PCDHGB3: variants seen among roughly 807,000 people sequenced by gnomAD.
PCDHGB3 encodes the protein protocadherin gamma subfamily B, 3.
Under a neutral mutation model 59.2 loss-of-function variants are expected in PCDHGB3, and 40 were observed. The observed-to-expected ratio is 0.68, with a 90% CI of 0.52 to 0.88. The LOEUF is 0.88. PCDHGB3 is among the 40% of genes least tolerant of loss of function. The probability of loss-of-function intolerance (pLI) is 0.00; values close to 1 mark genes in which losing one functional copy is unlikely to be tolerated. For missense variants in PCDHGB3, 1,309 were observed against 1,187.9 expected (o/e 1.10, Z -1.50); for synonymous variants, 581 against 503.6 (o/e 1.15, Z -2.06).
chr5:141,456,748 A>C (rs1448893002), intron 1 of PCDHGB3, among the ~76,000 whole-genome samples: 1 of 151,852 alleles, frequency 6.6e-6, no homozygotes, highest in Non-Finnish European at 1.5e-5. Context: ...GAGCATCATG[A>C]GGTCAGGAGT....
chr5:141,389,541 C>A, intron 1 of PCDHGB3: 2 of 1,613,242 alleles, frequency 1.2e-6, no homozygotes, highest in Non-Finnish European at 1.7e-6. Context: ...AGTGGACGAC[C>A]GCAACGACAA....
intron 1 of PCDHGB3, chr5:141,402,915 CAG>C: frequency 6.4e-7 from 1 of 1,564,688 alleles, no homozygotes; most frequent in Non-Finnish European, 8.7e-7. Flanking sequence ...GCAGCGCGCA[CAG>C]AGATCCTTTT....
chr5:141,441,885 CA>C, intron 1 of PCDHGB3: 1 of 345,036 alleles, frequency 2.9e-6, no homozygotes. Context: ...ACCTGGTCAC[CA>C]AGGTGGTGGC....
intron 1 of PCDHGB3, chr5:141,409,931 A>G: frequency 1.2e-6 from 2 of 1,613,260 alleles, no homozygotes; most frequent in Non-Finnish European, 1.7e-6. Flanking sequence ...GTTCTTCGAT[A>G]TGGTACCTCG....
chr5:141,511,233 TACCTGC>T lies in PCDHGB3; in HGVS notation c.*64_*69del. 4 of 1,595,428 alleles carry T rather than the reference TACCTGC, an allele frequency of 2.5e-6. No individual in the cohort carries two copies. The highest frequency in any genetic ancestry group is 3.4e-6 in the Non-Finnish European group (4 of 1,170,894). ...CTCCCCAACCAGCCCAGCTTCTCCT[TACCTGC>T]ACCCAGGCCTCAGAGTTTCAGGGCT... On this transcript the variant is annotated 3_prime_UTR_variant, in exon 4 of 4. Transcript: ENST00000576222.
chr5:141,386,789 A>G lies in PCDHGB3; in HGVS notation c.2415+13980A>G, dbSNP rs144966256. Among the ~76,000 whole-genome samples the G allele has an allele frequency of 8.8e-3, 1,344 of 152,342 alleles. 18 individuals carry two copies. Among genetic ancestry groups the G allele is most frequent in the African/African-American group, 0.031 (1,269 of 41,584 alleles). On this transcript the variant is annotated intron_variant, in intron 1 of 3. Coordinates refer to ENST00000576222, the MANE Select transcript of PCDHGB3 (RefSeq NM_018924.5). ...GTATTTTGTAAAAGAAAATCTCCTG[A>G]CCAAAATTTATTAGATGCATAAAAT...
intron 1 of PCDHGB3, among the ~76,000 whole-genome samples, chr5:141,436,713 G>C (rs2097842329): frequency 6.6e-6 from 1 of 152,308 alleles, no homozygotes; most frequent in East Asian, 1.9e-4. Flanking sequence ...TCGATGTTCT[G>C]TTGGGAAAAA....
intron 1 of PCDHGB3, among the ~76,000 whole-genome samples, chr5:141,449,003 T>A (rs2098622649): frequency 1.3e-5 from 2 of 152,280 alleles, no homozygotes; most frequent in African/African-American, 4.8e-5. Context: ...AAAGCTGTTT[T>A]TTTTAACAGT....
In PCDHGB3 at chr5:141,372,410, A is replaced by C; in HGVS notation, c.2016A>C (p.Gln672His). 6.2e-7 allele frequency: 1 copy of C among 1,613,980 alleles called. No homozygotes were observed. Among genetic ancestry groups the C allele is most frequent in the South Asian group, 1.1e-5 (1 of 91,082 alleles). The change falls in exon 1 of 4, where the codon CAA becomes CAC. Residue 672 changes from glutamine to histidine, a missense_variant. Coordinates refer to ENST00000576222, the MANE Select transcript of PCDHGB3 (RefSeq NM_018924.5). ...LIFADSLQEI[Q>H]PDLSDRPTPS... Reference sequence around the variant, plus strand: ...TCGCAGATAGCTTGCAAGAGATACAACCTGACCTTAGCGACCGCCCCACTC... The same window carrying C: ...TCGCAGATAGCTTGCAAGAGATACACCCTGACCTTAGCGACCGCCCCACTC...
chr5:141,399,659 T>A (rs1277891886), intron 1 of PCDHGB3: 1 of 1,613,684 alleles, frequency 6.2e-7, no homozygotes, highest in African/African-American at 1.3e-5. Flanking sequence ...GGGGTGGTGT[T>A]CGCGCAGCGC....
chr5:141,408,298 G>T (rs778209794), intron 1 of PCDHGB3: 1 of 1,613,704 alleles, frequency 6.2e-7, no homozygotes, highest in South Asian at 1.1e-5. Context: ...TGAGTGAGCC[G>T]ATCCGCTACT....
At chr5:141,376,356 C>T in intron 1 of PCDHGB3, 1 of 1,614,228 alleles carries the variant, frequency 6.2e-7, no homozygotes, top group South Asian at 1.1e-5. Flanking sequence ...CACGAGGTCT[C>T]ACTCACTGCA....
chr5:141,407,735 T>C (rs2094975330), intron 1 of PCDHGB3, among the ~76,000 whole-genome samples: 1 of 152,246 alleles, frequency 6.6e-6, no homozygotes, highest in Non-Finnish European at 1.5e-5. Context: ...GTTCACTATA[T>C]ATACTCCCTA....
chr5:141,472,230 C>T (rs1274096264), intron 1 of PCDHGB3, among the ~76,000 whole-genome samples: 1 of 152,116 alleles, frequency 6.6e-6, no homozygotes, highest in Non-Finnish European at 1.5e-5. Flanking sequence ...TCATATAATA[C>T]ATTCACTTTC....
intron 1 of PCDHGB3, chr5:141,423,261 C>T (rs1181343306): frequency 6.2e-7 from 1 of 1,613,870 alleles, no homozygotes; most frequent in Non-Finnish European, 8.5e-7. Flanking sequence ...ACCTCGGCAG[C>T]CTCGAGTCTC....
intron 1 of PCDHGB3, chr5:141,409,423 T>G: frequency 6.2e-7 from 1 of 1,614,026 alleles, no homozygotes; most frequent in Non-Finnish European, 8.5e-7. Context: ...TGGTGACAGA[T>G]GGAGCCCTGG....
At position 141,485,122 on chromosome 5, in the gene PCDHGB3, G is replaced by C. The variant is rs1000179570; in HGVS notation, c.2416-9685G>C. The stretch of plus-strand genomic sequence containing the variant: ...CAGCTGCTGTGGCTGTTTGGGGCGG[G>C]TCGGCTTCATCCGCGTCTCAGGAGC... On this transcript the variant is annotated intron_variant, in intron 1 of 3. Transcript: ENST00000576222. This position sits in a 1 kb window ranked among gnomAD's most constrained non-coding sequence, Gnocchi z 5.7. The C allele has an allele frequency of 4.3e-6, 6 of 1,387,506 alleles. No individual in the cohort carries two copies. In the African/African-American group the frequency reaches 8.5e-5, roughly 20 times the overall value. The allele number at this position is 1,387,506 out of a possible 1,614,324, so 85.9% of individuals were successfully genotyped here. A position where few individuals can be genotyped will look rare whatever the true frequency, so the allele number is the denominator to read the frequency against.
intron 2 of PCDHGB3, among the ~76,000 whole-genome samples, chr5:141,500,254 G>A (rs1260325865): frequency 1.3e-5 from 2 of 150,426 alleles, no homozygotes; most frequent in Non-Finnish European, 3.0e-5. Context: ...TGTCACCCAG[G>A]CTGGACTGCA....
chr5:141,494,236 T>C (rs1384800217), intron 1 of PCDHGB3, among the ~76,000 whole-genome samples: 7 of 152,128 alleles, frequency 4.6e-5, no homozygotes, highest in Non-Finnish European at 1.0e-4. Flanking sequence ...AAATTAATAA[T>C]GTATTTAGCT....
Sources: allele counts gnomAD v4.1 joint callset (sites outside exome capture counted in the v4.1 genomes callset), GRCh38; gene constraint gnomAD v4.1.1; non-coding constraint Gnocchi (gnomAD v3.1); transcripts MANE v1.5; gene names NCBI Gene and HGNC (gene_info 2026-07-23, HGNC 2026-07-21).